FBXL3: variants seen among roughly 807,000 people sequenced by gnomAD.
The protein encoded by FBXL3 is F-box/LRR-repeat protein 3.
In FBXL3, 14 loss-of-function variants were observed where a neutral mutation model predicts 37.9. The ratio of observed to expected loss-of-function variants is 0.37; its 90% CI spans 0.24 to 0.58. The LOEUF (loss-of-function observed/expected upper bound fraction) is 0.58. Among genes scored for constraint, FBXL3 ranks in the 20% least tolerant of loss-of-function variants. The pLI, the probability that FBXL3 is intolerant of heterozygous loss-of-function variation, is 0.74. For missense variants in FBXL3, 327 were observed against 511.1 expected (o/e 0.64, Z 3.47); for synonymous variants, 194 against 180.1 (o/e 1.08, Z -0.62).
chr13:77,013,998 T>C (rs528565114), intron 4 of FBXL3: 3 of 152,208 alleles, frequency 2.0e-5, no homozygotes, highest in Non-Finnish European at 2.9e-5. Context: ...ATACAATGTG[T>C]TAAATGCTAG....
chr13:77,021,894 C>T (rs2034751563), intron 1 of FBXL3, 33 bp from the exon 2 acceptor site: 2 of 1,520,502 alleles, frequency 1.3e-6, no homozygotes, highest in Non-Finnish European at 1.8e-6. Context: ...TTTTTTCCTA[C>T]TCAACTTTTG....
At chr13:77,007,934 G>C in intron 4 of FBXL3, 146 bp from the exon 5 acceptor site, 1 of 585,182 alleles carries the variant, frequency 1.7e-6, no homozygotes, top group South Asian at 3.7e-5. Context: ...TGAATTAGAA[G>C]GGAAGTAACA....
Position 77,018,600 on chromosome 13 carries a change from C to A in FBXL3, c.471G>T (p.Lys157Asn). The A allele has an allele frequency of 6.4e-7, 1 of 1,572,420 alleles. No individual in the cohort carries two copies. Among genetic ancestry groups the A allele is most frequent in the Non-Finnish European group, 8.6e-7 (1 of 1,164,722 alleles). The change falls in exon 3 of 5, where the codon AAG becomes AAT. Residue 157 changes from lysine (K) to asparagine (N), a missense_variant and splice_region_variant. Physicochemically the swap from Lys to Asn is moderately conservative, Grantham distance 94 (BLOSUM62 0). Coordinates refer to ENST00000355619, the MANE Select transcript of FBXL3 (RefSeq NM_012158.4). ...TARPSFMDLPKSHFISALTVV... is the reference protein window; with the variant it reads ...TARPSFMDLPNSHFISALTVV... ...ATAATAAAACAAAAACAGCAGATAC[C>A]TTTGGTAAATCCATAAAGCTTGGTC...
intron 4 of FBXL3, chr13:77,008,682 A>T (rs1402720026): frequency 6.6e-6 from 1 of 152,498 alleles, no homozygotes; most frequent in Non-Finnish European, 1.5e-5. Flanking sequence ...CCTCCTGAGT[A>T]GCTGGGACCA....
intron 4 of FBXL3, chr13:77,013,234 T>G: frequency 6.6e-6 from 1 of 152,306 alleles, no homozygotes; most frequent in Middle Eastern, 3.4e-3. Context: ...TTCCTGGGCA[T>G]AGGCCGAATT....
At chr13:77,008,573 C>G (rs76391359) in intron 4 of FBXL3, 7,953 of 152,262 alleles carry the variant, frequency 0.052, 377 homozygotes, top group East Asian at 0.21. Context: ...TTTTTGTTTT[C>G]AGTCAGTCTC....
At chr13:77,019,142 A>G (rs989093088) in intron 2 of FBXL3, 1 of 153,004 alleles carries the variant, frequency 6.5e-6, no homozygotes, top group African/African-American at 2.4e-5. Flanking sequence ...TACAGTGTCT[A>G]TGGTATGCAA....
At chr13:77,026,516 G>T in intron 1 of FBXL3, 2 of 441,454 alleles carry the variant, frequency 4.5e-6, no homozygotes, top group Non-Finnish European at 6.0e-6. Flanking sequence ...GGGTCATAAA[G>T]CCTGGCAGGA....
At chr13:77,009,234 G>GAT (rs1314068438) in intron 4 of FBXL3, 11 of 152,224 alleles carry the variant, frequency 7.2e-5, no homozygotes, top group African/African-American at 2.7e-4. Context: ...TATCAGAAGA[G>GAT]ATAAACTGAA....
intron 4 of FBXL3, chr13:77,014,039 C>T (rs1317713727): frequency 6.6e-6 from 1 of 152,186 alleles, no homozygotes; most frequent in African/African-American, 2.4e-5. Context: ...TGGAAATACA[C>T]AGGTAGGAAA....
At chr13:77,016,780 C>A in intron 3 of FBXL3, 1 of 152,440 alleles carries the variant, frequency 6.6e-6, no homozygotes, top group South Asian at 2.0e-4. Context: ...AACCTCCTGC[C>A]TCGGCTTCCC....
chr13:77,006,921 A>T lies in FBXL3; in HGVS notation c.*224T>A, dbSNP rs1593920550. The T allele has an allele frequency of 3.0e-6, 4 of 1,346,464 alleles. No individual in the cohort carries two copies. In the South Asian group the frequency reaches 7.9e-5, roughly 26 times the overall value. 83.4% of individuals were successfully genotyped at this position (1,346,464 alleles called of 1,614,324 possible). On this transcript the variant is annotated 3_prime_UTR_variant, in exon 5 of 5. Coordinates refer to ENST00000355619, the MANE Select transcript of FBXL3 (RefSeq NM_012158.4). The stretch of plus-strand genomic sequence containing the variant: ...GGTTATTTCACATCCGAACCACATT[A>T]AAAAAAATTCGGAGATATGACTGCT...
chr13:77,016,718 G>T (rs1280945394), intron 3 of FBXL3: 2 of 151,592 alleles, frequency 1.3e-5, no homozygotes, highest in African/African-American at 4.9e-5. Flanking sequence ...TTTTTGTAGA[G>T]ATGGGTCTTG....
intron 2 of FBXL3, chr13:77,018,994 TATG>T (rs1451013521): frequency 1.9e-5 from 5 of 266,080 alleles, no homozygotes; most frequent in East Asian, 6.8e-5. Flanking sequence ...TAGCTTTCAT[TATG>T]ATAAGAGACA....
chr13:77,015,590 A>G lies in FBXL3; in HGVS notation c.472-10T>C, dbSNP rs599115. The G allele has an allele frequency of 1.4e-6, 2 of 1,470,246 alleles. No individual in the cohort carries two copies. The highest frequency in any genetic ancestry group is 1.8e-6 in the Non-Finnish European group (2 of 1,107,460). The allele number at this position is 1,470,246 out of a possible 1,614,324, so 91.1% of individuals were successfully genotyped here. ...CAGAGATAAAGTGAGACTGAAAAGC[A>G]AAAAAAATAAAATAAAAATTATTTC... On this transcript the variant is annotated splice_polypyrimidine_tract_variant and intron_variant, in intron 3 of 4. Transcript: ENST00000355619.
rs1566226219 is a variant in FBXL3 at position 77,007,784 on chromosome 13, G to C, written c.648C>G (p.Ile216Met). Residue 216 changes from isoleucine to methionine, a missense_variant, in exon 5 of 5, where the codon ATC becomes ATG. Transcript: ENST00000355619. ...CGTGACACTGATCAGCCACACAAAGGATACCTTGAAAGAAAAAAAAAATTA... is the reference window on the plus strand; with the variant it reads ...CGTGACACTGATCAGCCACACAAAGCATACCTTGAAAGAAAAAAAAAATTA... ...SSCPHVSPAGILCVADQCHGL... is the reference protein window; with the variant it reads ...SSCPHVSPAGMLCVADQCHGL... 1 of 1,550,920 alleles carries C rather than the reference G, an allele frequency of 6.4e-7. No homozygotes were observed. Among genetic ancestry groups the C allele is most frequent in the Non-Finnish European group, 8.7e-7 (1 of 1,149,570 alleles).
chr13:77,021,948 G>A lies in FBXL3; in HGVS notation c.-1-87C>T, dbSNP rs2034752486. 3 of 1,060,008 alleles carry A rather than the reference G, an allele frequency of 2.8e-6. No homozygotes were observed. The African/African-American group carries it at 4.8e-5, about 17-fold the overall frequency. 65.7% of individuals were successfully genotyped at this position (1,060,008 alleles called of 1,614,324 possible). ...ATTCATTCTTCTGTCACTGAGATGTGTGTTTATATACACAAACATGCAGGA... is the reference window on the plus strand; with the variant it reads ...ATTCATTCTTCTGTCACTGAGATGTATGTTTATATACACAAACATGCAGGA... On this transcript the variant is annotated intron_variant, in intron 1 of 4. Coordinates refer to ENST00000355619, the MANE Select transcript of FBXL3 (RefSeq NM_012158.4).
At position 77,011,041 on chromosome 13, in the gene FBXL3, T is replaced by C. The variant is rs188152983; in HGVS notation, c.644-3253A>G. The C allele has an allele frequency of 3.5e-4, 53 of 152,170 alleles. 2 individuals carry two copies. The East Asian group carries it at 8.9e-3, about 26-fold the overall frequency. The allele number at this position is 152,170 out of a possible 1,614,324, so 9.4% of individuals were successfully genotyped here. A position where few individuals can be genotyped will look rare whatever the true frequency, so the allele number is the denominator to read the frequency against. ...ATAAATTAAGACAAATAACCCAAATTAGAAAATAGGCAAAGGGGCTGGGTG... is the reference window on the plus strand; with the variant it reads ...ATAAATTAAGACAAATAACCCAAATCAGAAAATAGGCAAAGGGGCTGGGTG... On this transcript the variant is annotated intron_variant, in intron 4 of 4. Transcript: ENST00000355619.
chr13:77,018,730 A>G lies in FBXL3; in HGVS notation c.349-8T>C. 1.3e-6 allele frequency: 2 copies of G among 1,546,726 alleles called. No individual in the cohort carries two copies. Among genetic ancestry groups the G allele is most frequent in the Non-Finnish European group, 8.7e-7 (1 of 1,151,804 alleles). On this transcript the variant is annotated splice_region_variant and splice_polypyrimidine_tract_variant and intron_variant, in intron 2 of 4. Transcript: ENST00000355619. Reference sequence around the variant, plus strand: ...TTCCTTGCTGCTGTCCACCTTAGAAAAGAAACACCGTTTACTCATGAATAT... The same window carrying G: ...TTCCTTGCTGCTGTCCACCTTAGAAGAGAAACACCGTTTACTCATGAATAT...
Sources: gnomAD v4.1 joint callset for allele counts on GRCh38, gnomAD v4.1.1 for gene constraint, MANE v1.5 for transcripts, NCBI Gene and HGNC (gene_info 2026-07-23, HGNC 2026-07-21) for gene names.